The following SCARA5 variants were observed in gnomAD, a reference collection of about 807,000 sequenced individuals.
SCARA5 encodes scavenger receptor class A member 5, also known as scavenger receptor class A, member 5 (putative).
A neutral mutation model predicts 46.3 loss-of-function variants in SCARA5; 45 were observed. That is an observed-to-expected ratio of 0.97 (90% CI 0.76 to 1.24). The LOEUF (loss-of-function observed/expected upper bound fraction) is 1.24, where lower values mean the gene tolerates loss of function less well. Ranked by LOEUF, SCARA5 falls within the 50% of genes most tolerant of loss-of-function variation. The pLI is 0.00. For missense variants in SCARA5, 680 were observed against 689.0 expected (o/e 0.99, Z 0.15); for synonymous variants, 333 against 306.5 (o/e 1.09, Z -0.90).
chr8:27,879,656 A>G lies in SCARA5; in HGVS notation c.1264T>C (p.Trp422Arg). ...ACCACGTCTCCGTCCTTCTTGTCCC[A>G]GCCGTCGTCACACACGGTGCCCCAA... ...RRWGTVCDDG[W>R]DKKDGDVVCR... Residue 422 changes from tryptophan (W) to arginine (R), a missense_variant, in exon 8 of 9, where the codon TGG becomes CGG. Physicochemically the swap from Trp to Arg is moderately radical, Grantham distance 101. Transcript: ENST00000354914. 1 of 1,612,940 alleles carries G rather than the reference A, an allele frequency of 6.2e-7. No homozygotes were observed. The highest frequency in any genetic ancestry group is 1.6e-4 in the Middle Eastern group (1 of 6,062).
chr8:27,918,640 T>C (rs1312257971), intron 4 of SCARA5, among the ~76,000 whole-genome samples: 1 of 70,226 alleles, frequency 1.4e-5, no homozygotes, highest in South Asian at 5.8e-4. Context: ...AGGAGGAAGA[T>C]GAGGAGGAGG....
At chr8:27,886,048 T>C (rs1364967486) in intron 7 of SCARA5, 1 of 154,726 alleles carries the variant, frequency 6.5e-6, no homozygotes, top group African/African-American at 2.4e-5. Context: ...AGGGCTCCTA[T>C]GGTCTCCCCA....
intron 3 of SCARA5, among the ~76,000 whole-genome samples, chr8:27,960,177 C>CT (rs11299595): frequency 8.6e-4 from 125 of 145,102 alleles, no homozygotes; most frequent in East Asian, 1.6e-3. Flanking sequence ...TTCTGGAGCA[C>CT]TTTTTTTTTT....
intron 8 of SCARA5, among the ~76,000 whole-genome samples, chr8:27,875,582 G>A (rs1806711339): frequency 1.3e-5 from 2 of 152,130 alleles, no homozygotes; most frequent in South Asian, 2.1e-4. Context: ...AGGAGAAGAG[G>A]TGGGACATGA....
intron 5 of SCARA5, chr8:27,909,061 A>G (rs926207583): frequency 2.0e-5 from 3 of 152,246 alleles, no homozygotes; most frequent in African/African-American, 4.8e-5. Flanking sequence ...CAGGCAAGGT[A>G]CAATGAAGGA....
chr8:27,980,327 C>A (rs1808594158), intron 2 of SCARA5, among the ~76,000 whole-genome samples: 1 of 152,164 alleles, frequency 6.6e-6, no homozygotes, highest in South Asian at 2.1e-4. Context: ...CCACTCATCA[C>A]CCCCTCTACT....
At chr8:27,953,361 C>T (rs977006177) in intron 3 of SCARA5, among the ~76,000 whole-genome samples, 2 of 152,246 alleles carry the variant, frequency 1.3e-5, no homozygotes, top group Admixed American at 6.5e-5. Context: ...ACATCTCCTG[C>T]ACTTGCCAGC....
intron 3 of SCARA5, among the ~76,000 whole-genome samples, chr8:27,954,149 C>T (rs1398972712): frequency 6.6e-6 from 1 of 152,204 alleles, no homozygotes; most frequent in African/African-American, 2.4e-5. Flanking sequence ...CAGCTTCTGT[C>T]CCTGGCTGTT....
At chr8:27,886,229 G>A (rs1479903514) in intron 7 of SCARA5, 1 of 152,418 alleles carries the variant, frequency 6.6e-6, no homozygotes, top group Non-Finnish European at 1.5e-5. Flanking sequence ...CCTAGACTCA[G>A]GGCTTCCCCC....
At chr8:27,949,547 A>G (rs1808090257) in intron 3 of SCARA5, among the ~76,000 whole-genome samples, 1 of 152,090 alleles carries the variant, frequency 6.6e-6, no homozygotes, top group Admixed American at 6.6e-5. Context: ...GGTCTTTGGG[A>G]CACTATGGAT....
chr8:27,988,112 G>A (rs1808732202), intron 1 of SCARA5, among the ~76,000 whole-genome samples: 1 of 152,204 alleles, frequency 6.6e-6, no homozygotes, highest in African/African-American at 2.4e-5. Flanking sequence ...CATTCAGAGG[G>A]GGTACAGAGT....
intron 4 of SCARA5, among the ~76,000 whole-genome samples, chr8:27,920,426 A>G (rs1807564051): frequency 6.6e-6 from 1 of 151,926 alleles, no homozygotes; most frequent in Non-Finnish European, 1.5e-5. Context: ...CAGCCTGGCC[A>G]ACATGGTGAA....
chr8:27,934,813 T>C (rs922955079), intron 3 of SCARA5, among the ~76,000 whole-genome samples: 1 of 152,198 alleles, frequency 6.6e-6, no homozygotes, highest in African/African-American at 2.4e-5. Flanking sequence ...ATCTCCAAAA[T>C]GGGAGAGATA....
intron 4 of SCARA5, among the ~76,000 whole-genome samples, chr8:27,910,502 A>G (rs924141059): frequency 3.3e-5 from 5 of 152,210 alleles, no homozygotes; most frequent in Non-Finnish European, 7.3e-5. Context: ...TGTTGGACTC[A>G]GCCCCTCCTG....
At chr8:27,947,990 G>A (rs1808065033) in intron 3 of SCARA5, among the ~76,000 whole-genome samples, 1 of 152,184 alleles carries the variant, frequency 6.6e-6, no homozygotes, top group Non-Finnish European at 1.5e-5. Context: ...GGAATGAGGA[G>A]TTCAGGTCTA....
At chr8:27,980,032 T>C (rs1585525876) in intron 2 of SCARA5, among the ~76,000 whole-genome samples, 1 of 152,120 alleles carries the variant, frequency 6.6e-6, no homozygotes, top group African/African-American at 2.4e-5. Flanking sequence ...TAGGTAACCT[T>C]GCACTTGAGC....
intron 8 of SCARA5, among the ~76,000 whole-genome samples, chr8:27,875,194 C>T (rs1374193254): frequency 2.0e-5 from 3 of 150,178 alleles, no homozygotes; most frequent in African/African-American, 4.9e-5. Context: ...TCCCTCCCTC[C>T]CTTCACTCCT....
At chr8:27,941,565 A>C (rs1157421611) in intron 3 of SCARA5, among the ~76,000 whole-genome samples, 1 of 151,270 alleles carries the variant, frequency 6.6e-6, no homozygotes, top group Admixed American at 6.6e-5. Context: ...TGGGAAGAAA[A>C]CCCCACATAT....
chr8:27,978,024 G>GTTTTTTTTTTTT (rs11357387), intron 2 of SCARA5, among the ~76,000 whole-genome samples: 1 of 106,636 alleles, frequency 9.4e-6, no homozygotes, highest in Non-Finnish European at 1.9e-5. Flanking sequence ...TGTGTCTTTT[G>GTTTTTTTTTTTT]TTTTTTTTTT....
Sources: allele counts gnomAD v4.1 joint callset (sites outside exome capture counted in the v4.1 genomes callset), GRCh38; gene constraint gnomAD v4.1.1; transcripts MANE v1.5; gene names NCBI Gene and HGNC (gene_info 2026-07-23, HGNC 2026-07-21).